The following TCF3 variants were observed in gnomAD, a reference collection of about 807,000 sequenced individuals.
The protein encoded by TCF3 is transcription factor 3.
A neutral mutation model predicts 72.3 loss-of-function variants in TCF3; 54 were observed. The observed-to-expected ratio is 0.75, with a 90% CI of 0.60 to 0.94. The LOEUF (loss-of-function observed/expected upper bound fraction) is 0.94, where lower values mean the gene tolerates loss of function less well. Among genes scored for constraint, TCF3 ranks in the 40% least tolerant of loss-of-function variants. The pLI, the probability that TCF3 is intolerant of heterozygous loss-of-function variation, is 0.00. For synonymous variants in TCF3, 525 were observed against 412.6 expected (o/e 1.27, Z -3.30); for missense variants, 1,078 against 934.4 (o/e 1.15, Z -2.00).
chr19:1,630,329 A>G (rs2063550764), intron 5 of TCF3, among the ~76,000 whole-genome samples: 1 of 152,180 alleles, frequency 6.6e-6, no homozygotes, highest in South Asian at 2.1e-4. Flanking sequence ...GTGGGCCCTC[A>G]GACACACCCG....
chr19:1,650,806 G>A (rs1343869603), intron 1 of TCF3: 1 of 231,240 alleles, frequency 4.3e-6, no homozygotes, highest in Non-Finnish European at 8.5e-6. Context: ...TCAACATGAA[G>A]GAAATCCACA....
chr19:1,627,232 G>A, intron 6 of TCF3, 127 bp downstream of exon 6: 2 of 243,720 alleles, frequency 8.2e-6, no homozygotes, highest in South Asian at 3.6e-5. Flanking sequence ...CCCAAGCCCA[G>A]CCTGGTTTCG....
At chr19:1,650,353 T>C (rs2079944) in intron 1 of TCF3, 66 bp from the exon 2 acceptor site, 1 of 1,241,850 alleles carries the variant, frequency 8.1e-7, no homozygotes, top group South Asian at 1.4e-5. Flanking sequence ...TTGTGAGTGG[T>C]CAAAGCACAG....
intron 3 of TCF3, among the ~76,000 whole-genome samples, chr19:1,633,881 C>T (rs555974056): frequency 3.9e-4 from 60 of 152,298 alleles, no homozygotes; most frequent in Non-Finnish European, 5.3e-4. Context: ...AGCGCCGGCA[C>T]CCTCTGGGTC....
intron 2 of TCF3, 73 bp downstream of exon 2, chr19:1,650,102 ACT>A: frequency 7.2e-7 from 1 of 1,387,038 alleles, no homozygotes; most frequent in South Asian, 1.3e-5. Flanking sequence ...TTCAGCAAAC[ACT>A]CTCCCCTGAA....
At chr19:1,612,770 G>C (rs948056193) in intron 18 of TCF3, among the ~76,000 whole-genome samples, 7 of 151,098 alleles carry the variant, frequency 4.6e-5, no homozygotes, top group African/African-American at 9.7e-5. Flanking sequence ...GGACACAGCA[G>C]TGTGGGTACA....
At chr19:1,626,472 G>A (rs556051925) in intron 6 of TCF3, among the ~76,000 whole-genome samples, 1 of 152,028 alleles carries the variant, frequency 6.6e-6, no homozygotes, top group South Asian at 2.1e-4. Flanking sequence ...AGAATCATCT[G>A]TTCTATCATC....
At chr19:1,647,414 G>C (rs1021857557) in intron 2 of TCF3, among the ~76,000 whole-genome samples, 3 of 152,248 alleles carry the variant, frequency 2.0e-5, no homozygotes, top group Admixed American at 6.5e-5. Context: ...CCAGCCAGGA[G>C]GCGAAGGCAC....
intron 2 of TCF3, among the ~76,000 whole-genome samples, chr19:1,647,971 C>T (rs1200142935): frequency 6.6e-6 from 1 of 152,146 alleles, no homozygotes; most frequent in Admixed American, 6.5e-5. Context: ...AGCCTCGGTC[C>T]TAGGGACTCG....
chr19:1,611,937 G>C lies in TCF3; in HGVS notation c.1823-88C>G, dbSNP rs1302623762. 72 of 220,150 alleles carry C rather than the reference G, an allele frequency of 3.3e-4. 1 individual carries two copies. The highest frequency in any genetic ancestry group is 2.1e-3 in the South Asian group (32 of 15,162). The allele number at this position is 220,150 out of a possible 1,614,324, so 13.6% of individuals were successfully genotyped here. A position where few individuals can be genotyped will look rare whatever the true frequency, so the allele number is the denominator to read the frequency against. ...GAGTGGGGGGTAGGATGTCGGGGGG[G>C]GGGGTGGGGGCAGAGCCCCATCACG... On this transcript the variant is annotated intron_variant, in intron 18 of 18. Transcript: ENST00000262965.
intron 2 of TCF3, 91 bp downstream of exon 2, chr19:1,650,086 G>T (rs1261483204): frequency 5.5e-6 from 7 of 1,273,612 alleles, no homozygotes; most frequent in East Asian, 2.6e-5. Flanking sequence ...CTCCATCGCT[G>T]AAGTATTCAG....
chr19:1,612,010 G>T (rs1057135164), intron 18 of TCF3, among the ~76,000 whole-genome samples, 161 bp from the exon 19 acceptor site: 3 of 151,878 alleles, frequency 2.0e-5, no homozygotes, highest in Non-Finnish European at 4.4e-5. Context: ...TGAGAAGGCT[G>T]GGGGGATGGG....
At chr19:1,625,343 C>T (rs1421633097) in intron 7 of TCF3, among the ~76,000 whole-genome samples, 3 of 152,246 alleles carry the variant, frequency 2.0e-5, no homozygotes, top group African/African-American at 7.2e-5. Context: ...GCAGGAACCT[C>T]GGGACCAGAG....
chr19:1,646,724 CT>C (rs2066163485), intron 2 of TCF3, among the ~76,000 whole-genome samples: 2 of 152,234 alleles, frequency 1.3e-5, no homozygotes, highest in African/African-American at 2.4e-5. Context: ...GCTGTTCCCC[CT>C]GCCTTTGCTC....
At position 1,619,175 on chromosome 19, in the gene TCF3, G is replaced by T; in HGVS notation, c.1386C>A (p.His462Gln). The T allele has an allele frequency of 6.2e-7, 1 of 1,600,432 alleles. No individual in the cohort carries two copies. The highest frequency in any genetic ancestry group is 8.5e-7 in the Non-Finnish European group (1 of 1,179,740). The stretch of plus-strand genomic sequence containing the variant: ...TGCCTGGCTGGCTGGGGAGGGCCGC[G>T]TGGTTGTGCATGAGGCTGGTGCTGC... ...LAGSTSLMHN[H>Q]AALPSQPGTL... The change falls in exon 16 of 19, where the codon CAC becomes CAA. Residue 462 changes from histidine to glutamine, a missense_variant. His to Gln is a conservative substitution (Grantham distance 24). Coordinates refer to ENST00000262965, the MANE Select transcript of TCF3 (RefSeq NM_003200.5).
chr19:1,638,697 C>T (rs187233108), intron 3 of TCF3, among the ~76,000 whole-genome samples: 50 of 152,324 alleles, frequency 3.3e-4, no homozygotes, highest in Middle Eastern at 3.4e-3. Context: ...TTCTTCACAA[C>T]GCAGAATACT....
chr19:1,639,505 GA>G (rs1220084358), intron 3 of TCF3, among the ~76,000 whole-genome samples: 10 of 152,128 alleles, frequency 6.6e-5, no homozygotes, highest in African/African-American at 9.7e-5. Context: ...ACATTAAACA[GA>G]TTAAAAATCT....
chr19:1,647,500 G>A (rs887943203), intron 2 of TCF3, among the ~76,000 whole-genome samples: 15 of 152,340 alleles, frequency 9.8e-5, no homozygotes, highest in East Asian at 7.7e-4. Context: ...TGGTCCTGCA[G>A]AAGGGGAAAC....
intron 3 of TCF3, among the ~76,000 whole-genome samples, chr19:1,641,862 G>C (rs891244054): frequency 5.3e-5 from 8 of 151,960 alleles, no homozygotes; most frequent in African/African-American, 1.7e-4. Context: ...CAAAGTGCTG[G>C]GGATTACCAG....
Sources: gnomAD v4.1 joint callset for allele counts (sites outside exome capture counted in the v4.1 genomes callset) on GRCh38, gnomAD v4.1.1 for gene constraint, MANE v1.5 for transcripts, NCBI Gene and HGNC (gene_info 2026-07-23, HGNC 2026-07-21) for gene names.